The following LRRC37A2 variants were observed in gnomAD, a reference collection of about 807,000 sequenced individuals.
LRRC37A2 encodes leucine rich repeat containing 37 member A2.
Under a neutral mutation model 68.8 loss-of-function variants are expected in LRRC37A2, and 9 were observed. The observed-to-expected ratio is 0.13, with a 90% CI of 0.08 to 0.23. The LOEUF is 0.23. Among genes scored for constraint, LRRC37A2 ranks in the 10% least tolerant of loss-of-function variants. The pLI, the probability that LRRC37A2 is intolerant of heterozygous loss-of-function variation, is 1.00. For missense variants in LRRC37A2, 168 were observed against 950.4 expected, an observed-to-expected ratio of 0.18 and a Z score of 10.82; for synonymous variants, 63 against 367.6, an observed-to-expected ratio of 0.17 and a Z score of 9.48.
At chr17:47,028,704 T>C in the LRRC37A2 span, among the ~76,000 whole-genome samples, 1 of 151,838 alleles carries the variant, frequency 6.6e-6, no homozygotes, top group Non-Finnish European at 1.5e-5. Context: ...GGTCAGGAAT[T>C]CAACACCAGC....
At chr17:46,881,651 C>T in the LRRC37A2 span, among the ~76,000 whole-genome samples, 1 of 152,188 alleles carries the variant, frequency 6.6e-6, no homozygotes, top group Non-Finnish European at 1.5e-5. Flanking sequence ...GGCCCGCAGA[C>T]CCCTCCACCT....
the LRRC37A2 span, among the ~76,000 whole-genome samples, chr17:47,016,184 T>TC: frequency 6.6e-6 from 1 of 151,822 alleles, no homozygotes. Flanking sequence ...ACCTCAGTGA[T>TC]CCCCCCACCT....
At chr17:47,048,405 A>G in the LRRC37A2 span, among the ~76,000 whole-genome samples, 5 of 148,902 alleles carry the variant, frequency 3.4e-5, no homozygotes, top group Admixed American at 6.7e-5. Context: ...GCATCTGACA[A>G]AAGTTGCTTT....
At chr17:46,819,505 C>T in the LRRC37A2 span, among the ~76,000 whole-genome samples, 1 of 152,182 alleles carries the variant, frequency 6.6e-6, no homozygotes, top group African/African-American at 2.4e-5. This position sits in a 1 kb window ranked among gnomAD's most constrained non-coding sequence, Gnocchi z 5.3. Flanking sequence ...TGGCCCGGGT[C>T]GGAGGCGTGA....
At chr17:46,784,472 G>T in the LRRC37A2 span, among the ~76,000 whole-genome samples, 1 of 152,022 alleles carries the variant, frequency 6.6e-6, no homozygotes, top group Non-Finnish European at 1.5e-5. Context: ...ACGGTGGGAG[G>T]ACACTGAGCG....
chr17:46,392,423 T>C, the LRRC37A2 span, among the ~76,000 whole-genome samples: 119 of 50,640 alleles, frequency 2.3e-3, 9 homozygotes, highest in African/African-American at 5.3e-3. Context: ...CTCTCTCTCT[T>C]TCTTTCTCTC....
At chr17:46,882,274 C>T in the LRRC37A2 span, among the ~76,000 whole-genome samples, 2 of 152,102 alleles carry the variant, frequency 1.3e-5, no homozygotes, top group Non-Finnish European at 2.9e-5. Flanking sequence ...TAGAACAGTC[C>T]CCCTCTTTCT....
chr17:46,847,508 C>T, the LRRC37A2 span, among the ~76,000 whole-genome samples: 8 of 152,274 alleles, frequency 5.3e-5, no homozygotes, highest in East Asian at 1.4e-3. Context: ...CAGGACTCAG[C>T]CAGTCATCAT....
At chr17:46,456,210 A>ATGTGTGTG in the LRRC37A2 span, among the ~76,000 whole-genome samples, 89 of 90,548 alleles carry the variant, frequency 9.8e-4, 2 homozygotes, top group East Asian at 5.6e-3. Context: ...TCCATGGGAT[A>ATGTGTGTG]TGTGTGTGTG....
At chr17:46,534,204 T>G (rs1218399784) in intron 6 of LRRC37A2, among the ~76,000 whole-genome samples, 1 of 149,236 alleles carries the variant, frequency 6.7e-6, no homozygotes, top group African/African-American at 2.6e-5. Context: ...TTTGTTTTTT[T>G]TAATTTTTTT....
the LRRC37A2 span, among the ~76,000 whole-genome samples, chr17:46,962,124 G>A: frequency 6.6e-6 from 1 of 152,064 alleles, no homozygotes; most frequent in Non-Finnish European, 1.5e-5. Flanking sequence ...TCAGAAGCTC[G>A]AGACCAGTCT....
chr17:46,893,135 T>C, the LRRC37A2 span, among the ~76,000 whole-genome samples: 2 of 152,126 alleles, frequency 1.3e-5, no homozygotes, highest in African/African-American at 4.8e-5. Context: ...GTTTTCACCA[T>C]GTTGGCGGGA....
the LRRC37A2 span, among the ~76,000 whole-genome samples, chr17:47,004,779 C>T: frequency 6.6e-6 from 1 of 152,236 alleles, no homozygotes; most frequent in Admixed American, 6.5e-5. Flanking sequence ...ATCCTCTCGC[C>T]TCAACCTCCC....
chr17:46,726,465 T>A, the LRRC37A2 span: 1 of 1,214,196 alleles, frequency 8.2e-7, no homozygotes, highest in Non-Finnish European at 1.2e-6. Flanking sequence ...TTGTTTAGTA[T>A]TGCTCAAGAA....
chr17:46,941,116 G>A, the LRRC37A2 span: 2 of 1,021,254 alleles, frequency 2.0e-6, no homozygotes, highest in Non-Finnish European at 2.4e-6. Flanking sequence ...AAAACAGGTG[G>A]GTTATCAAGA....
the LRRC37A2 span, among the ~76,000 whole-genome samples, chr17:46,901,443 G>A: frequency 6.6e-6 from 1 of 152,102 alleles, no homozygotes; most frequent in East Asian, 1.9e-4. Flanking sequence ...ATTACGGCAT[G>A]AGCCACCACG....
the LRRC37A2 span, among the ~76,000 whole-genome samples, chr17:46,841,618 A>G: frequency 7.2e-5 from 11 of 151,786 alleles, no homozygotes; most frequent in East Asian, 2.0e-3. Context: ...GGGGGCTGCA[A>G]TGCCAGAGGA....
At chr17:46,635,777 A>ATTGTG in the LRRC37A2 span, among the ~76,000 whole-genome samples, 1 of 116,704 alleles carries the variant, frequency 8.6e-6, no homozygotes, top group Admixed American at 8.7e-5. Context: ...GGGAAAATAA[A>ATTGTG]TGTGTGTGTG....
chr17:46,837,170 T>G, the LRRC37A2 span, among the ~76,000 whole-genome samples: 1 of 152,196 alleles, frequency 6.6e-6, no homozygotes, highest in Non-Finnish European at 1.5e-5. Flanking sequence ...CTTGATCTCT[T>G]GACCTCGTGA....
Sources: allele counts gnomAD v4.1 joint callset (sites outside exome capture counted in the v4.1 genomes callset), GRCh38; gene constraint gnomAD v4.1.1; non-coding constraint Gnocchi (gnomAD v3.1); transcripts MANE v1.5; gene names NCBI Gene and HGNC (gene_info 2026-07-23, HGNC 2026-07-21).